The following EYS variants were observed in gnomAD, a reference collection of about 807,000 sequenced individuals.
EYS encodes EGF-like photoreceptor maintenance factor.
In EYS, 250 loss-of-function variants were observed where a neutral mutation model predicts 282.1. That is an observed-to-expected ratio of 0.89 (90% CI 0.80 to 0.98). The LOEUF (loss-of-function observed/expected upper bound fraction) is 0.98, where lower values mean the gene tolerates loss of function less well. Ranked by LOEUF, EYS falls within the 50% of genes least tolerant of loss-of-function variation. The pLI, the probability that EYS is intolerant of heterozygous loss-of-function variation, is 0.00. For missense variants in EYS, 4,016 were observed against 3,709.0 expected (o/e 1.08, Z -2.15); for synonymous variants, 1,355 against 1,282.9 (o/e 1.06, Z -1.20).
At chr6:64,472,110 C>T (rs1161352387) in intron 26 of EYS, among the ~76,000 whole-genome samples, 2 of 152,100 alleles carry the variant, frequency 1.3e-5, no homozygotes, top group Non-Finnish European at 1.5e-5. Flanking sequence ...TGGATTACTA[C>T]ACAAAAATGT....
At chr6:64,652,199 A>T (rs150988234) in intron 22 of EYS, among the ~76,000 whole-genome samples, 3 of 152,330 alleles carry the variant, frequency 2.0e-5, no homozygotes, top group Non-Finnish European at 2.9e-5. Flanking sequence ...TTAAGTATAA[A>T]TGAAGCCTAC....
At chr6:64,697,137 A>C (rs1056702924) in intron 22 of EYS, among the ~76,000 whole-genome samples, 3 of 152,152 alleles carry the variant, frequency 2.0e-5, no homozygotes, top group African/African-American at 7.2e-5. Flanking sequence ...AAAAAACATG[A>C]ATCAACTACA....
chr6:64,144,111 A>G (rs1774435040), intron 31 of EYS, among the ~76,000 whole-genome samples: 1 of 152,180 alleles, frequency 6.6e-6, no homozygotes, highest in South Asian at 2.1e-4. Context: ...ATGAATTGCT[A>G]ATGCTGGGGT....
intron 33 of EYS, among the ~76,000 whole-genome samples, chr6:64,055,536 A>C (rs2074920144): frequency 6.6e-6 from 1 of 151,986 alleles, no homozygotes; most frequent in African/African-American, 2.4e-5. Flanking sequence ...CTGTGCCTTC[A>C]TTTTGAAGCA....
At position 64,634,798 on chromosome 6, in the gene EYS, T is replaced by C. The variant is rs144053956; in HGVS notation, c.3444-8553A>G. ...TGGTTAAGATAATTTTTCTCTTCTATATTCCACTTTTAAGAACATTCAATA... is the reference window on the plus strand; with the variant it reads ...TGGTTAAGATAATTTTTCTCTTCTACATTCCACTTTTAAGAACATTCAATA... On this transcript the variant is annotated intron_variant, in intron 22 of 42. Transcript: ENST00000503581. 6.0e-3 allele frequency among the ~76,000 whole-genome samples: 918 copies of C among 152,356 alleles called. 3 individuals carry two copies. The highest frequency in any genetic ancestry group is 0.01 in the Non-Finnish European group (707 of 68,028).
intron 32 of EYS, among the ~76,000 whole-genome samples, chr6:64,066,991 G>T: frequency 6.6e-6 from 1 of 152,036 alleles, no homozygotes; most frequent in Admixed American, 6.6e-5. Context: ...AAATAATAGA[G>T]AAATATATAG....
intron 22 of EYS, among the ~76,000 whole-genome samples, chr6:64,665,740 G>C (rs1769208296): frequency 6.6e-6 from 1 of 152,010 alleles, no homozygotes; most frequent in African/African-American, 2.4e-5. Context: ...TTTCCATACT[G>C]AGTTCTGTTC....
At chr6:64,766,039 C>CT (rs997973049) in intron 22 of EYS, among the ~76,000 whole-genome samples, 11 of 150,968 alleles carry the variant, frequency 7.3e-5, no homozygotes, top group Admixed American at 2.0e-4. Context: ...TGAAATCCCC[C>CT]TTTTTTTTTG....
intron 5 of EYS, among the ~76,000 whole-genome samples, chr6:65,476,760 A>G (rs1396365635): frequency 6.6e-6 from 1 of 152,056 alleles, no homozygotes; most frequent in Admixed American, 6.6e-5. Flanking sequence ...TATTTGTAGT[A>G]GAGACGGGGT....
At chr6:65,579,696 C>T (rs550076035) in intron 2 of EYS, among the ~76,000 whole-genome samples, 2 of 152,142 alleles carry the variant, frequency 1.3e-5, no homozygotes, top group East Asian at 1.9e-4. Context: ...CCCATTCTAT[C>T]GAGTTAGAAA....
intron 19 of EYS, among the ~76,000 whole-genome samples, chr6:64,827,272 G>A (rs879331017): frequency 6.6e-6 from 1 of 151,474 alleles, no homozygotes; most frequent in African/African-American, 2.4e-5. Flanking sequence ...TTTATTTGAG[G>A]TCTTACAAAA....
At chr6:65,624,624 C>T (rs185111254) in intron 2 of EYS, among the ~76,000 whole-genome samples, 16 of 152,206 alleles carry the variant, frequency 1.1e-4, no homozygotes, top group African/African-American at 3.9e-4. Flanking sequence ...GGGTGGGCAT[C>T]ATCTATCAGC....
intron 11 of EYS, among the ~76,000 whole-genome samples, chr6:65,321,376 A>G (rs1562095291): frequency 6.6e-6 from 1 of 151,926 alleles, no homozygotes; most frequent in Non-Finnish European, 1.5e-5. Flanking sequence ...TTTTCAAAAA[A>G]GAGTTGGAAA....
chr6:64,157,577 T>G (rs551282339), intron 31 of EYS, among the ~76,000 whole-genome samples: 1 of 152,250 alleles, frequency 6.6e-6, no homozygotes, highest in Non-Finnish European at 1.5e-5. Flanking sequence ...AGAGTCCCCA[T>G]GCTGTGGGCA....
At chr6:64,529,961 G>A (rs1764276908) in intron 26 of EYS, among the ~76,000 whole-genome samples, 1 of 152,070 alleles carries the variant, frequency 6.6e-6, no homozygotes, top group Admixed American at 6.6e-5. Flanking sequence ...CTTCAGAGTG[G>A]CTGGTCACTT....
rs576008171 is a variant in EYS, at chr6:64,534,756, C to T, written c.5644+55467G>A. On this transcript the variant is annotated intron_variant, in intron 26 of 42. Transcript: ENST00000503581. ...GAAACAACAACATTTTCTCTCAATA[C>T]ATTGCTTAATTCAACACATTCTGAG... 2.0e-5 allele frequency among the ~76,000 whole-genome samples: 3 copies of T among 152,006 alleles called. No homozygotes were observed. The East Asian group carries it at 5.8e-4, about 29-fold the overall frequency.
At chr6:65,240,098 A>T (rs1226143297) in intron 12 of EYS, among the ~76,000 whole-genome samples, 2 of 151,360 alleles carry the variant, frequency 1.3e-5, no homozygotes, top group Non-Finnish European at 2.9e-5. Flanking sequence ...CCTCCCAAGT[A>T]GCTGGGACTA....
chr6:64,961,031 A>G (rs1769896432), intron 14 of EYS, among the ~76,000 whole-genome samples: 1 of 152,124 alleles, frequency 6.6e-6, no homozygotes, highest in Non-Finnish European at 1.5e-5. Context: ...TGTGTACCAC[A>G]TTTTCTTTAT....
chr6:63,751,480 C>T (rs1769339381), intron 41 of EYS, among the ~76,000 whole-genome samples: 1 of 152,190 alleles, frequency 6.6e-6, no homozygotes, highest in Non-Finnish European at 1.5e-5. Flanking sequence ...TTTATGTTGG[C>T]TTGTAAGCTC....
Sources: allele counts gnomAD v4.1 joint callset (sites outside exome capture counted in the v4.1 genomes callset), GRCh38; gene constraint gnomAD v4.1.1; transcripts MANE v1.5; gene names NCBI Gene and HGNC (gene_info 2026-07-23, HGNC 2026-07-21).